Variants in C16orf96 observed in about 807,000 individuals in gnomAD.
C16orf96 encodes uncharacterized protein C16orf96.
A neutral mutation model predicts 103.6 loss-of-function variants in C16orf96; 108 were observed. The observed-to-expected ratio is 1.04, with a 90% CI of 0.89 to 1.22. The LOEUF (loss-of-function observed/expected upper bound fraction) is 1.22. C16orf96 is among the 50% of genes most tolerant of loss of function. C16orf96 has a pLI of 0.00. For synonymous variants in C16orf96, 566 were observed against 593.5 expected (o/e 0.95, Z 0.67); for missense variants, 1,586 against 1,464.2 (o/e 1.08, Z -1.36).
chr16:4,559,542 C>T (rs1340802532), intron 1 of C16orf96, among the ~76,000 whole-genome samples: 9 of 110,552 alleles, frequency 8.1e-5, no homozygotes. Flanking sequence ...CAGAGCAAGA[C>T]TCCATCTCAA....
chr16:4,571,347 A>C (rs1464013153), intron 1 of C16orf96, among the ~76,000 whole-genome samples: 1 of 152,202 alleles, frequency 6.6e-6, no homozygotes, highest in African/African-American at 2.4e-5. Context: ...ATATATTCAA[A>C]TACAGAGTTG....
chr16:4,586,456 G>C (rs1020025253), intron 7 of C16orf96, among the ~76,000 whole-genome samples: 5 of 152,194 alleles, frequency 3.3e-5, no homozygotes, highest in South Asian at 2.1e-4. Flanking sequence ...CCTGTTTGCA[G>C]CTTTGCAGGA....
At position 4,580,063 on chromosome 16, in the gene C16orf96, G is replaced by T; in HGVS notation, c.2290G>T (p.Asp764Tyr). ...IWGNQIEMMK[D>Y]RYITLDKAVE... ...GGGCAACCAAATAGAGATGATGAAGGATCGCTACATCACTTTGGACAAGGC... is the reference window on the plus strand; with the variant it reads ...GGGCAACCAAATAGAGATGATGAAGTATCGCTACATCACTTTGGACAAGGC... The change falls in exon 7 of 16, where the codon GAT (aspartate) becomes TAT (tyrosine). Residue 764 changes from aspartate (D) to tyrosine (Y), a missense_variant. Physicochemically the swap from Asp to Tyr is radical, Grantham distance 160. Transcript: ENST00000444310. 1 of 1,550,444 alleles carries T rather than the reference G, an allele frequency of 6.4e-7. No individual in the cohort carries two copies. Among genetic ancestry groups the T allele is most frequent in the Non-Finnish European group, 8.7e-7 (1 of 1,146,420 alleles).
In C16orf96 at chr16:4,576,650, GC is replaced by G; in HGVS notation, c.2155+18del. ...GAGTTATCTAGGTAGGCCTGGTCTG[GC>G]CCTGGGAAGGGCACAAGGGAGTGGG... On this transcript the variant is annotated intron_variant, in intron 5 of 15. Coordinates refer to ENST00000444310, the MANE Select transcript of C16orf96 (RefSeq NM_001145011.2). 3.2e-6 allele frequency: 5 copies of G among 1,541,542 alleles called. No individual in the cohort carries two copies. The highest frequency in any genetic ancestry group is 4.4e-6 in the Non-Finnish European group (5 of 1,141,734).
intron 2 of C16orf96, 33 bp downstream of exon 2, chr16:4,571,698 T>C (rs1444190239): frequency 6.6e-7 from 1 of 1,516,548 alleles, no homozygotes; most frequent in Non-Finnish European, 8.9e-7. Context: ...CCATGCCAGC[T>C]GCGTTGCTCA....
chr16:4,598,184 T>A (rs1897213295), intron 14 of C16orf96, among the ~76,000 whole-genome samples: 1 of 152,006 alleles, frequency 6.6e-6, no homozygotes, highest in African/African-American at 2.4e-5. Flanking sequence ...AAACCCCGCC[T>A]TTATAAAAAA....
At chr16:4,579,094 A>T in intron 6 of C16orf96, 69 bp downstream of exon 6, 1 of 1,360,394 alleles carries the variant, frequency 7.4e-7, no homozygotes, top group Non-Finnish European at 1.0e-6. Flanking sequence ...AGACTCCTTG[A>T]CTCTGCCCCC....
the C16orf96 span, among the ~76,000 whole-genome samples, chr16:4,548,851 A>G: frequency 1.4e-5 from 2 of 144,888 alleles, no homozygotes; most frequent in African/African-American, 5.1e-5. Flanking sequence ...ATTGCACTCC[A>G]GCCTGGGTGA....
intron 1 of C16orf96, among the ~76,000 whole-genome samples, chr16:4,562,178 T>G (rs1416778040): frequency 6.6e-6 from 1 of 152,120 alleles, no homozygotes; most frequent in Non-Finnish European, 1.5e-5. Context: ...TCTACAGATG[T>G]TCAAGAGAAA....
chr16:4,593,268 G>T lies in C16orf96; in HGVS notation c.2819G>T (p.Arg940Leu). The part of the protein sequence containing the change: ...IRKAHLLSRL[R>L]PASANSCEYL... ...AAAGCCCACCTGCTGTCCCGGCTGC[G>T]GCCAGCCAGCGCCAACAGCTGCGAG... The change falls in exon 12 of 16, where the codon CGG becomes CTG. Residue 940 changes from arginine (R) to leucine (L), a missense_variant. Coordinates refer to ENST00000444310, the MANE Select transcript of C16orf96 (RefSeq NM_001145011.2). The surrounding 1 kb of genome is among the most constrained non-coding windows in gnomAD (Gnocchi z 4.2). 1 of 1,551,006 alleles carries T rather than the reference G, an allele frequency of 6.4e-7. No individual in the cohort carries two copies. The highest frequency in any genetic ancestry group is 8.7e-7 in the Non-Finnish European group (1 of 1,146,904).
Position 4,593,777 on chromosome 16 carries a change from C to T in C16orf96, c.2867+461C>T, listed in dbSNP as rs1438443456. 1.3e-5 allele frequency among the ~76,000 whole-genome samples: 2 copies of T among 152,156 alleles called. No individual in the cohort carries two copies. Among genetic ancestry groups the T allele is most frequent in the Admixed American group, 6.5e-5 (1 of 15,278 alleles). ...TGTATCCTGGTACCATCCCATGTCA[C>T]AGTTGAAGAAACTGAGGCTCAGAGA... On this transcript the variant is annotated intron_variant, in intron 12 of 15. Transcript: ENST00000444310. This position sits in a 1 kb window ranked among gnomAD's most constrained non-coding sequence, Gnocchi z 4.2.
intron 6 of C16orf96, 54 bp from the exon 7 acceptor site, chr16:4,579,961 G>T (rs2059563537): frequency 3.4e-6 from 5 of 1,461,250 alleles, no homozygotes; most frequent in Middle Eastern, 1.7e-4. Flanking sequence ...CCCCTTCCCG[G>T]CCATGGTAAC....
At chr16:4,579,680 C>G (rs2059559517) in intron 6 of C16orf96, among the ~76,000 whole-genome samples, 1 of 150,244 alleles carries the variant, frequency 6.7e-6, no homozygotes, top group South Asian at 2.1e-4. Context: ...GGCGTGACCT[C>G]AGCTCGCTGC....
chr16:4,538,812 G>A, the C16orf96 span: 1 of 152,202 alleles, frequency 6.6e-6, no homozygotes, highest in Non-Finnish European at 1.5e-5. Context: ...CAGGGCCGAG[G>A]CCCGGGACGT....
intron 1 of C16orf96, among the ~76,000 whole-genome samples, chr16:4,571,287 T>C (rs1002231872): frequency 6.6e-6 from 1 of 152,138 alleles, no homozygotes; most frequent in Non-Finnish European, 1.5e-5. Flanking sequence ...ACATCTATCA[T>C]AGAAGAAAGG....
chr16:4,592,590 T>A (rs1248527761), intron 11 of C16orf96, among the ~76,000 whole-genome samples: 1 of 152,214 alleles, frequency 6.6e-6, no homozygotes, highest in African/African-American at 2.4e-5. Flanking sequence ...GTCAAGTCCA[T>A]ACACATCCAT....
the C16orf96 span, among the ~76,000 whole-genome samples, chr16:4,544,995 C>G: frequency 6.6e-6 from 1 of 152,150 alleles, no homozygotes; most frequent in Non-Finnish European, 1.5e-5. Context: ...CGCATAAAAA[C>G]CTATAGTACA....
chr16:4,549,547 C>T, the C16orf96 span, among the ~76,000 whole-genome samples: 2 of 151,418 alleles, frequency 1.3e-5, no homozygotes, highest in African/African-American at 4.9e-5. Context: ...CCTGTAATCT[C>T]AGCACGTTGG....
At chr16:4,552,558 C>T (rs564112795), upstream of C16orf96, among the ~76,000 whole-genome samples, 1 of 151,070 alleles carries the variant, frequency 6.6e-6, no homozygotes, top group East Asian at 1.9e-4. Context: ...TTTGTTCATT[C>T]TCACTGCTGT....
Sources: gnomAD v4.1 joint callset for allele counts (sites outside exome capture counted in the v4.1 genomes callset) on GRCh38, gnomAD v4.1.1 for gene constraint, Gnocchi (gnomAD v3.1) non-coding constraint, MANE v1.5 for transcripts, NCBI Gene and HGNC (gene_info 2026-07-23, HGNC 2026-07-21) for gene names.